TRPM1: variants seen among roughly 807,000 people sequenced by gnomAD.
The protein encoded by TRPM1 is TRPM1-203 APA Isoform, Intron 10.
TRPM1 carries 113 observed loss-of-function variants against 149.4 expected under a neutral mutation model. That is an observed-to-expected ratio of 0.76 (90% CI 0.65 to 0.88). The LOEUF (loss-of-function observed/expected upper bound fraction) is 0.88. Among genes scored for constraint, TRPM1 ranks in the 40% least tolerant of loss-of-function variants. TRPM1 has a pLI of 0.00. For missense variants in TRPM1, 1,976 were observed against 2,038.7 expected, an observed-to-expected ratio of 0.97 and a Z score of 0.59; for synonymous variants, 741 against 759.5, an observed-to-expected ratio of 0.98 and a Z score of 0.40.
intron 7 of TRPM1, chr15:31,065,028 G>A (rs762186848): frequency 1.5e-5 from 8 of 534,220 alleles, no homozygotes; most frequent in Middle Eastern, 3.2e-4. Context: ...TGGAGTCCTC[G>A]AAGCTCCGTG....
chr15:31,120,461 C>G (rs531036802), intron 1 of TRPM1, among the ~76,000 whole-genome samples: 2 of 152,178 alleles, frequency 1.3e-5, no homozygotes, highest in South Asian at 4.2e-4. Context: ...GTAGGAGACT[C>G]CAAAACACAT....
At position 31,002,817 on chromosome 15, in the gene TRPM1, A is replaced by G. The variant is rs1316169097; in HGVS notation, c.3883T>C (p.Tyr1295His). ...SINSADGYSL[Y>H]RYHFNGEELL... is the part of the protein sequence containing the mutation. ...TCTTCTCCGTTAAAATGATATCGAT[A>G]CAAGCTGTAGCCATCAGCGCTATTG... The change falls in exon 28 of 28, where the codon TAT (tyrosine) becomes CAT (histidine). Residue 1295 changes from tyrosine (Y) to histidine (H), a missense_variant. Physicochemically the swap from Tyr to His is moderately conservative, Grantham distance 83. Coordinates refer to ENST00000256552, the MANE Select transcript of TRPM1 (RefSeq NM_001252024.2). 6.2e-7 allele frequency: 1 copy of G among 1,614,226 alleles called. No homozygotes were observed. The highest frequency in any genetic ancestry group is 8.5e-7 in the Non-Finnish European group (1 of 1,180,028).
At chr15:31,100,650 C>T (rs557482756) in intron 1 of TRPM1, among the ~76,000 whole-genome samples, 7 of 152,230 alleles carry the variant, frequency 4.6e-5, no homozygotes, top group Admixed American at 4.6e-4. Context: ...CATCCTAAAA[C>T]AACTGATATT....
At chr15:31,067,823 C>T (rs1408990939) in intron 5 of TRPM1, 56 bp downstream of exon 5, 1 of 1,559,738 alleles carries the variant, frequency 6.4e-7, no homozygotes, top group Non-Finnish European at 8.8e-7. Flanking sequence ...CTTTGGGGAC[C>T]ACAGTGAGTT....
intron 16 of TRPM1, 99 bp from the exon 17 acceptor site, chr15:31,042,342 A>T: frequency 8.0e-7 from 1 of 1,250,256 alleles, no homozygotes; most frequent in Non-Finnish European, 1.1e-6. Context: ...GTCAGAGGTA[A>T]TAAAGAGACT....
Position 31,031,126 on chromosome 15 carries a change from A to C in TRPM1, c.2984T>G (p.Met995Arg). The C allele has an allele frequency of 6.2e-7, 1 of 1,614,254 alleles. No individual in the cohort carries two copies. The highest frequency in any genetic ancestry group is 8.5e-7 in the Non-Finnish European group (1 of 1,180,036). Residue 995 changes from methionine (M) to arginine (R), a missense_variant, in exon 23 of 28, where the codon ATG (methionine) becomes AGG (arginine). Physicochemically the swap from Met to Arg is moderately conservative, Grantham distance 91. Transcript: ENST00000256552. Reference protein sequence around the residue: ...MIDMLYFVVIMLVVLMSFGVA... With the variant: ...MIDMLYFVVIRLVVLMSFGVA... Reference sequence around the variant, plus strand: ...TCCGAAACTCATGAGCACGACCAGCATGATGACCACAAAGTACAGCATGTC... The same window carrying C: ...TCCGAAACTCATGAGCACGACCAGCCTGATGACCACAAAGTACAGCATGTC...
chr15:31,119,495 T>C (rs1318954079), intron 1 of TRPM1, among the ~76,000 whole-genome samples: 1 of 152,060 alleles, frequency 6.6e-6, no homozygotes, highest in African/African-American at 2.4e-5. Flanking sequence ...ATCTACTTTG[T>C]GAAAAATGCT....
intron 7 of TRPM1, among the ~76,000 whole-genome samples, chr15:31,064,090 G>A (rs766646554): frequency 5.9e-5 from 9 of 152,216 alleles, no homozygotes; most frequent in Non-Finnish European, 1.0e-4. Flanking sequence ...AAATCACCAA[G>A]AGCCTTAGAC....
rs1596065855 is a variant in TRPM1 at position 31,093,862 on chromosome 15, C to T, written c.-84+7795G>A. ...AAGTGATCTGCCCGCCTCAGCCTCC[C>T]AAAGTGCTGGGATTACAAACATGAT... On this transcript the variant is annotated intron_variant, in intron 1 of 27. Coordinates refer to ENST00000256552, the MANE Select transcript of TRPM1 (RefSeq NM_001252024.2). Among the ~76,000 whole-genome samples, 3 of 152,200 alleles carry T rather than the reference C, an allele frequency of 2.0e-5. 1 individual carries two copies. Among genetic ancestry groups the T allele is most frequent in the African/African-American group, 7.2e-5 (3 of 41,530 alleles).
At chr15:31,140,883 G>A (rs1277750168) in intron 1 of TRPM1, among the ~76,000 whole-genome samples, 1 of 151,864 alleles carries the variant, frequency 6.6e-6, no homozygotes, top group Admixed American at 6.6e-5. Flanking sequence ...GTGTGGTGGT[G>A]CCATCTCAGC....
At chr15:31,108,493 CTTTAT>C (rs919580147) in intron 1 of TRPM1, among the ~76,000 whole-genome samples, 1 of 152,036 alleles carries the variant, frequency 6.6e-6, no homozygotes, top group African/African-American at 2.4e-5. Context: ...GACTCTTTTT[CTTTAT>C]TTTATTTTAT....
chr15:31,065,170 C>T (rs1411023815), intron 7 of TRPM1: 1 of 527,948 alleles, frequency 1.9e-6, no homozygotes, highest in Non-Finnish European at 3.9e-6. Context: ...CTTACAAGTC[C>T]AGAAAAATTA....
intron 21 of TRPM1, 158 bp from the exon 22 acceptor site, chr15:31,033,098 T>A: frequency 2.0e-6 from 2 of 991,932 alleles, no homozygotes; most frequent in Admixed American, 2.0e-5. Context: ...GGGAGAGATA[T>A]CTAGAAAGGG....
intron 1 of TRPM1, among the ~76,000 whole-genome samples, chr15:31,127,457 A>G (rs1353004898): frequency 1.3e-5 from 2 of 152,218 alleles, no homozygotes; most frequent in Non-Finnish European, 2.9e-5. Flanking sequence ...GCCAAATAAC[A>G]CAAGAGAATT....
In TRPM1 at chr15:31,035,569, G is replaced by C. The variant is rs186989078; in HGVS notation, c.2677C>G (p.Leu893Val). Residue 893 changes from leucine to valine, a missense_variant, in exon 21 of 28, where the codon CTG becomes GTG. Physicochemically the swap from Leu to Val is conservative, Grantham distance 32 (BLOSUM62 1). Transcript: ENST00000256552. The part of the protein sequence containing the change: ...EWIVISYIVS[L>V]ALEKIREILM... ...ACCTCTCGTATCTTCTCTAACGCCAGGCTCACGATGTAGGAGATGACGATC... is the reference window on the plus strand; with the variant it reads ...ACCTCTCGTATCTTCTCTAACGCCACGCTCACGATGTAGGAGATGACGATC... 2.1e-5 allele frequency: 34 copies of C among 1,614,202 alleles called. 2 individuals carry two copies. In the Middle Eastern group the frequency reaches 6.6e-4, roughly 31 times the overall value.
intron 1 of TRPM1, among the ~76,000 whole-genome samples, chr15:31,131,287 T>C (rs1307556957): frequency 6.6e-6 from 1 of 152,194 alleles, no homozygotes; most frequent in Admixed American, 6.5e-5. Context: ...GCAAAAGTAG[T>C]GATGCTGGCA....
intron 27 of TRPM1, among the ~76,000 whole-genome samples, chr15:31,021,548 T>C (rs1470464447): frequency 2.0e-5 from 3 of 151,642 alleles, no homozygotes; most frequent in Non-Finnish European, 4.4e-5. Flanking sequence ...ATGCAAAAAT[T>C]AGCTGGGTGT....
intron 1 of TRPM1, among the ~76,000 whole-genome samples, chr15:31,147,480 C>T (rs920810753): frequency 1.1e-4 from 16 of 152,306 alleles, no homozygotes; most frequent in African/African-American, 3.8e-4. Flanking sequence ...GCAAGTGCAA[C>T]GTCATCACAC....
rs905376764 is a variant in TRPM1, at chr15:31,030,988, A to G, written c.3122T>C (p.Ile1041Thr). Residue 1041 changes from isoleucine to threonine, a missense_variant, in exon 23 of 28, where the codon ATA becomes ACA. Coordinates refer to ENST00000256552, the MANE Select transcript of TRPM1 (RefSeq NM_001252024.2). ...ACTATGAATTCTACTCTTACGGTCT[A>G]TCTGGTCTGCAAACACCTCTCCATA... ...MIYGEVFADQIDLYAMEINPP... is the reference protein window; with the variant it reads ...MIYGEVFADQTDLYAMEINPP... The G allele has an allele frequency of 1.9e-6, 3 of 1,614,080 alleles. No homozygotes were observed. Among genetic ancestry groups the G allele is most frequent in the South Asian group, 2.2e-5 (2 of 91,084 alleles).
Sources: gnomAD v4.1 joint callset for allele counts (sites outside exome capture counted in the v4.1 genomes callset) on GRCh38, gnomAD v4.1.1 for gene constraint, MANE v1.5 for transcripts, NCBI Gene and HGNC (gene_info 2026-07-23, HGNC 2026-07-21) for gene names.